Variants in TNRC6B observed in about 807,000 individuals in gnomAD.
TNRC6B encodes the protein trinucleotide repeat-containing gene 6B protein.
In TNRC6B, 52 loss-of-function variants were observed where a neutral mutation model predicts 203.6. The observed-to-expected ratio is 0.26, with a 90% CI of 0.20 to 0.32. The LOEUF (loss-of-function observed/expected upper bound fraction) is 0.32, where lower values mean the gene tolerates loss of function less well. Ranked by LOEUF, TNRC6B falls within the 10% of genes least tolerant of loss-of-function variation. The pLI is 1.00. For missense variants in TNRC6B, 1,923 were observed against 2,286.2 expected, an observed-to-expected ratio of 0.84 and a Z score of 3.24; for synonymous variants, 838 against 845.7, an observed-to-expected ratio of 0.99 and a Z score of 0.16.
intron 1 of TNRC6B, among the ~76,000 whole-genome samples, chr22:40,243,702 C>T (rs143521471): frequency 0.19 from 28,651 of 151,956 alleles, 3,525 homozygotes; most frequent in Admixed American, 0.34. Context: ...TTCCCGCCTC[C>T]GCCTCCCAAG....
In TNRC6B at chr22:40,301,172, T is replaced by TGCA. The variant is rs139908; in HGVS notation, c.3982_3984dup (p.Gln1328dup). ...CAGCTGGCTCGAATGGTGAGTGCAC[T>TGCA]GCAGCAGCAGCAGCAGCAGCAGCAG... On this transcript the variant is annotated inframe_insertion, in exon 15 of 23. Coordinates refer to ENST00000454349, the MANE Select transcript of TNRC6B (RefSeq NM_001162501.2). 2.7e-4 allele frequency: 424 copies of TGCA among 1,546,082 alleles called. 1 individual carries two copies. The highest frequency in any genetic ancestry group is 9.5e-4 in the East Asian group (39 of 40,918).
chr22:40,136,636 T>G lies in TNRC6B; in HGVS notation c.45+10774T>G, dbSNP rs529892646. On this transcript the variant is annotated intron_variant, in intron 3 of 23. Coordinates refer to the TNRC6B transcript ENST00000301923. ...GTTGCCTAGGCTGGTGTTGAACTCCTGGGCTCAAGAGATCCTCCCACCTTA... is the reference window on the plus strand; with the variant it reads ...GTTGCCTAGGCTGGTGTTGAACTCCGGGGCTCAAGAGATCCTCCCACCTTA... 3.8e-3 allele frequency among the ~76,000 whole-genome samples: 571 copies of G among 152,038 alleles called. 4 individuals carry two copies. Among genetic ancestry groups the G allele is most frequent in the Middle Eastern group, 0.014 (4 of 294 alleles).
chr22:40,214,932 A>G (rs968772138), intron 1 of TNRC6B, among the ~76,000 whole-genome samples: 2 of 152,234 alleles, frequency 1.3e-5, no homozygotes, highest in African/African-American at 4.8e-5. Flanking sequence ...AATTGAATAA[A>G]GCAGGTCTCC....
chr22:40,257,168 T>G (rs1006963011), intron 3 of TNRC6B, among the ~76,000 whole-genome samples: 3 of 152,250 alleles, frequency 2.0e-5, no homozygotes, highest in Admixed American at 6.5e-5. Context: ...TTCTTTTTTA[T>G]GTTTGATACC....
intron 3 of TNRC6B, among the ~76,000 whole-genome samples, chr22:40,145,959 C>T (rs1460520293): frequency 2.0e-5 from 3 of 152,164 alleles, no homozygotes; most frequent in African/African-American, 4.8e-5. Flanking sequence ...GGGCTGGAAA[C>T]GTGATAGGTT....
intron 1 of TNRC6B, among the ~76,000 whole-genome samples, chr22:40,088,956 A>G (rs2068124669): frequency 6.6e-6 from 1 of 152,188 alleles, no homozygotes; most frequent in South Asian, 2.1e-4. Context: ...CTTAGTGGGT[A>G]TATGCCCTGA....
chr22:40,301,387 G>C (rs1182180611), intron 15 of TNRC6B, 54 bp downstream of exon 15: 4 of 1,555,830 alleles, frequency 2.6e-6, no homozygotes, highest in South Asian at 1.2e-5. Flanking sequence ...CTCTAGGCCT[G>C]TGGTAGGGGT....
In TNRC6B at chr22:40,270,193, C is replaced by T. The variant is rs773119495; in HGVS notation, c.2878C>T (p.Pro960Ser). 5.1e-6 allele frequency: 8 copies of T among 1,569,904 alleles called. No individual in the cohort carries two copies. The highest frequency in any genetic ancestry group is 2.6e-6 in the Non-Finnish European group (3 of 1,157,032). The change falls in exon 6 of 23, where the codon CCT (proline) becomes TCT (serine). Residue 960 changes from proline to serine, a missense_variant. Physicochemically the swap from Pro to Ser is moderately conservative, Grantham distance 74 (BLOSUM62 -1). Coordinates refer to ENST00000454349, the MANE Select transcript of TNRC6B (RefSeq NM_001162501.2). The part of the protein sequence containing the change: ...SAWGEPNESS[P>S]GWGEMDDTGA... ...TTGGGGTGAGCCAAATGAAAGCAGT[C>T]CTGGGTGGGGCGAGATGGATGATAC...
At chr22:40,303,062 T>TG (rs1478548290) in intron 15 of TNRC6B, among the ~76,000 whole-genome samples, 1 of 146,488 alleles carries the variant, frequency 6.8e-6, no homozygotes, top group Admixed American at 6.8e-5. Context: ...TTTTTTTTTT[T>TG]TTTTTGAGGC....
chr22:40,227,479 A>G (rs1238455493), intron 1 of TNRC6B, among the ~76,000 whole-genome samples: 1 of 142,732 alleles, frequency 7.0e-6, no homozygotes, highest in Non-Finnish European at 1.5e-5. Flanking sequence ...CCTCCCAAGT[A>G]GCTGGGATTA....
At chr22:40,242,464 C>T (rs1192519008) in intron 1 of TNRC6B, among the ~76,000 whole-genome samples, 1 of 150,860 alleles carries the variant, frequency 6.6e-6, no homozygotes, top group Non-Finnish European at 1.5e-5. Flanking sequence ...GAATTTCGCT[C>T]TTGTTGCCCA....
intron 1 of TNRC6B, among the ~76,000 whole-genome samples, chr22:40,104,450 C>T (rs1601817396): frequency 2.0e-5 from 3 of 152,272 alleles, no homozygotes; most frequent in Admixed American, 2.0e-4. Flanking sequence ...GATAGAGCAG[C>T]ACCAAAGGAC....
intron 5 of TNRC6B, 129 bp downstream of exon 5, chr22:40,267,165 CT>C: frequency 5.5e-6 from 5 of 910,304 alleles, no homozygotes; most frequent in Non-Finnish European, 7.8e-6. Context: ...TACTCTGTTG[CT>C]AACAGAACCT....
chr22:40,081,431 A>G (rs189345102), intron 1 of TNRC6B, among the ~76,000 whole-genome samples: 1 of 149,662 alleles, frequency 6.7e-6, no homozygotes, highest in East Asian at 2.0e-4. Flanking sequence ...CTTTCGTCTC[A>G]TCAGAGTTCC....
At chr22:40,251,693 T>C (rs972302369) in intron 3 of TNRC6B, among the ~76,000 whole-genome samples, 3 of 151,288 alleles carry the variant, frequency 2.0e-5, no homozygotes, top group Non-Finnish European at 4.4e-5. Flanking sequence ...CACTCCAGCC[T>C]GGGCAACAAA....
At chr22:40,099,493 A>G (rs752035743) in intron 1 of TNRC6B, among the ~76,000 whole-genome samples, 3 of 152,146 alleles carry the variant, frequency 2.0e-5, no homozygotes, top group Non-Finnish European at 2.9e-5. Flanking sequence ...CATGGGTTCT[A>G]CATCCATGAC....
At chr22:40,261,538 A>T (rs1184255926) in intron 3 of TNRC6B, among the ~76,000 whole-genome samples, 1 of 152,072 alleles carries the variant, frequency 6.6e-6, no homozygotes, top group Non-Finnish European at 1.5e-5. Context: ...AGATTGCACC[A>T]CTGCACTCCA....
chr22:40,270,040 T>C, intron 5 of TNRC6B, 82 bp from the exon 6 acceptor site: 1 of 1,395,434 alleles, frequency 7.2e-7, no homozygotes, highest in Non-Finnish European at 9.8e-7. Context: ...TAGGCATGCC[T>C]GTTCCTTCCA....
At chr22:40,113,486 G>A (rs1170559073) in intron 1 of TNRC6B, among the ~76,000 whole-genome samples, 1 of 152,062 alleles carries the variant, frequency 6.6e-6, no homozygotes, top group Non-Finnish European at 1.5e-5. Flanking sequence ...TCCTGAGTAG[G>A]TGGGACTACA....
Sources: gnomAD v4.1 joint callset for allele counts (sites outside exome capture counted in the v4.1 genomes callset) on GRCh38, gnomAD v4.1.1 for gene constraint, MANE v1.5 for transcripts, NCBI Gene and HGNC (gene_info 2026-07-23, HGNC 2026-07-21) for gene names.